MYH11: variants seen among roughly 807,000 people sequenced by gnomAD.
MYH11 encodes myosin heavy chain 11, also known as myosin-11.
A neutral mutation model predicts 246.6 loss-of-function variants in MYH11; 80 were observed. That is an observed-to-expected ratio of 0.32 (90% CI 0.27 to 0.39). The LOEUF (loss-of-function observed/expected upper bound fraction) is 0.39. MYH11 is among the 10% of genes least tolerant of loss of function. The probability of loss-of-function intolerance (pLI) is 1.00; values close to 1 mark genes in which losing one functional copy is unlikely to be tolerated. For missense variants in MYH11, 2,158 were observed against 2,546.8 expected, an observed-to-expected ratio of 0.85 and a Z score of 3.29; for synonymous variants, 1,071 against 1,015.5, an observed-to-expected ratio of 1.05 and a Z score of -1.04.
chr16:15,738,304 G>A (rs2041180022), intron 24 of MYH11, among the ~76,000 whole-genome samples: 1 of 151,918 alleles, frequency 6.6e-6, no homozygotes, highest in Admixed American at 6.6e-5. Context: ...CCAGGAGTTT[G>A]AGACTAGACT....
At chr16:15,718,079 C>T (rs2040262195) in intron 37 of MYH11, 1 of 637,156 alleles carries the variant, frequency 1.6e-6, no homozygotes. Context: ...TACGGGGAGC[C>T]AGCCACGCCG....
In MYH11 at chr16:15,776,175, A is replaced by G. The variant is rs34341838; in HGVS notation, c.792T>C (p.Tyr264=). The change falls in exon 8 of 41, where the codon TAT becomes TAC. Residue 264 remains tyrosine (Y), a splice_region_variant and synonymous_variant. Coordinates refer to ENST00000300036, the MANE Select transcript of MYH11 (RefSeq NM_002474.3). The stretch of plus-strand genomic sequence containing the variant: ...GAATTGCCCGTGATTTTTCTAGCAG[A>G]TCTGGTTTGGAGGGAGTTAGGGATT... ...GYIVGANIET[Y]LLEKSRAIRQ... The G allele has an allele frequency of 0.036, 58,617 of 1,611,816 alleles. 1,344 individuals are homozygous for G. Among genetic ancestry groups the G allele is most frequent in the Non-Finnish European group, 0.043 (50,724 of 1,177,908 alleles).
chr16:15,727,073 G>A lies in MYH11; in HGVS notation c.3652-19C>T, dbSNP rs768965775. 2 of 1,611,648 alleles carry A rather than the reference G, an allele frequency of 1.2e-6. No homozygotes were observed. Among genetic ancestry groups the A allele is most frequent in the Admixed American group, 1.7e-5 (1 of 59,982 alleles). On this transcript the variant is annotated intron_variant, in intron 27 of 40. Transcript: ENST00000300036. ...CCTTGGCCTGGCGAAGGAAGCAGAG[G>A]GGAGGGATAACAGGGAGGCTGTGGC...
rs190546350 is a variant in MYH11 at position 15,724,954 on chromosome 16, G to T, written c.3897C>A (p.Ala1299=). Residue 1299 remains alanine (A), a synonymous_variant, in exon 29 of 41, where the codon GCC becomes GCA. Transcript: ENST00000300036. ...VESVTGMLNE[A]EGKAIKLAKD... is the part of the protein sequence containing the mutation. ...TGGCCAGCTTAATGGCCTTCCCCTCGGCCTCGTTAAGCATCCCTGTGACGC... is the reference window on the plus strand; with the variant it reads ...TGGCCAGCTTAATGGCCTTCCCCTCTGCCTCGTTAAGCATCCCTGTGACGC... 1.9e-5 allele frequency: 31 copies of T among 1,614,046 alleles called. No individual in the cohort carries two copies. In the Middle Eastern group the frequency reaches 4.9e-4, roughly 26 times the overall value.
intron 4 of MYH11, among the ~76,000 whole-genome samples, chr16:15,790,814 C>A (rs1321201614): frequency 6.6e-6 from 1 of 152,114 alleles, no homozygotes; most frequent in Non-Finnish European, 1.5e-5. Flanking sequence ...CACCCAATGG[C>A]CACTTAATCC....
intron 3 of MYH11, among the ~76,000 whole-genome samples, chr16:15,809,231 T>C (rs1429945145): frequency 6.6e-6 from 1 of 152,166 alleles, no homozygotes; most frequent in African/African-American, 2.4e-5. Context: ...CAACATCTAA[T>C]AATCAATATT....
intron 10 of MYH11, 55 bp downstream of exon 10, chr16:15,763,741 T>TCGGGCCCCCCCCCCCCCCCCC: frequency 6.2e-6 from 4 of 646,856 alleles, no homozygotes; most frequent in African/African-American, 2.1e-5. Flanking sequence ...AAATGTCACC[T>TCGGGCCCCCCCCCCCCCCCCC]CCCCCACCCC....
Position 15,724,302 on chromosome 16 carries a change from G to T in MYH11, c.4224C>A (p.Tyr1408Ter). ...TATCATAAGCGGCCGCCTTCTCCTC[G>T]TACTGCTGGGTGAGGTTCTCGATCT... is the stretch of plus-strand genomic sequence containing the variant. Reference protein sequence around the residue: ...QKEIENLTQQYEEKAAAYDKL... With the variant: ...QKEIENLTQQ Residue 1408 changes from tyrosine (Y) to a stop codon, truncating the protein, a stop_gained, in exon 31 of 41, where the codon TAC becomes TAA. Transcript: ENST00000300036. LOFTEE classifies it high-confidence loss of function. The T allele has an allele frequency of 6.2e-7, 1 of 1,614,130 alleles. No individual in the cohort carries two copies. Among genetic ancestry groups the T allele is most frequent in the Non-Finnish European group, 8.5e-7 (1 of 1,180,020 alleles).
At chr16:15,791,256 A>G (rs62030574) in intron 4 of MYH11, 22,065 of 152,162 alleles carry the variant, frequency 0.15, 1,844 homozygotes, top group Admixed American at 0.18. Flanking sequence ...GCACTCAGCC[A>G]GCATTTTCAT....
intron 20 of MYH11, among the ~76,000 whole-genome samples, chr16:15,743,357 T>C (rs981052508): frequency 2.0e-5 from 3 of 152,100 alleles, no homozygotes; most frequent in East Asian, 1.9e-4. Context: ...TCAGTAGAGA[T>C]AGGGTTTCGC....
At chr16:15,728,381 C>T (rs2040861126) in intron 27 of MYH11, among the ~76,000 whole-genome samples, 1 of 152,066 alleles carries the variant, frequency 6.6e-6, no homozygotes, top group East Asian at 1.9e-4. Flanking sequence ...AACAAAAAAC[C>T]AACAACAACG....
intron 2 of MYH11, among the ~76,000 whole-genome samples, chr16:15,837,635 A>G (rs1053190599): frequency 1.3e-5 from 2 of 151,214 alleles, no homozygotes; most frequent in African/African-American, 4.9e-5. Flanking sequence ...CCTGGATTCA[A>G]GCAATTCCTC....
At chr16:15,704,615 A>G (rs928193828) in intron 40 of MYH11, among the ~76,000 whole-genome samples, 2 of 152,164 alleles carry the variant, frequency 1.3e-5, no homozygotes, top group Non-Finnish European at 2.9e-5. Flanking sequence ...CAAGATTTGA[A>G]TTGGAAGAAG....
At chr16:15,719,849 C>T (rs2040373132) in intron 34 of MYH11, 136 bp from the exon 35 acceptor site, 2 of 1,304,162 alleles carry the variant, frequency 1.5e-6, no homozygotes, top group Admixed American at 1.8e-5. Flanking sequence ...ACGAGCATGG[C>T]TCTCAGTTCC....
intron 31 of MYH11, among the ~76,000 whole-genome samples, chr16:15,722,236 G>T (rs2040524403): frequency 6.6e-6 from 1 of 152,136 alleles, no homozygotes; most frequent in Admixed American, 6.6e-5. Flanking sequence ...ATTTAAAGCT[G>T]CCAGAAGCTA....
intron 20 of MYH11, among the ~76,000 whole-genome samples, chr16:15,742,749 A>T (rs532374620): frequency 3.9e-4 from 60 of 152,096 alleles, no homozygotes; most frequent in African/African-American, 1.1e-3. Context: ...AAATTTTTTT[A>T]AAAATTATAA....
At chr16:15,831,285 A>G (rs1056470659) in intron 2 of MYH11, among the ~76,000 whole-genome samples, 1 of 152,098 alleles carries the variant, frequency 6.6e-6, no homozygotes, top group African/African-American at 2.4e-5. Flanking sequence ...ACGAAGGGGG[A>G]AGTTCTATAT....
chr16:15,727,140 G>A (rs1238787349), intron 27 of MYH11, 86 bp from the exon 28 acceptor site: 4 of 1,218,724 alleles, frequency 3.3e-6, no homozygotes, highest in Non-Finnish European at 4.8e-6. Flanking sequence ...CCCTCAGAGA[G>A]GTCCAGGAAG....
intron 31 of MYH11, among the ~76,000 whole-genome samples, chr16:15,722,731 T>C (rs1481667220): frequency 6.6e-6 from 1 of 152,154 alleles, no homozygotes; most frequent in Admixed American, 6.6e-5. Flanking sequence ...TTAGCCTCAC[T>C]GTACAATCCT....
Sources: gnomAD v4.1 joint callset for allele counts (sites outside exome capture counted in the v4.1 genomes callset) on GRCh38, gnomAD v4.1.1 for gene constraint, MANE v1.5 for transcripts, NCBI Gene and HGNC (gene_info 2026-07-23, HGNC 2026-07-21) for gene names.